The following PLCE1 variants were observed in gnomAD, a reference collection of about 807,000 sequenced individuals.
PLCE1 encodes the protein 1-phosphatidylinositol 4,5-bisphosphate phosphodiesterase epsilon-1.
PLCE1 carries 119 observed loss-of-function variants against 242.8 expected under a neutral mutation model. That is an observed-to-expected ratio of 0.49 (90% confidence interval 0.42 to 0.57). The LOEUF (loss-of-function observed/expected upper bound fraction) is 0.57. Among genes scored for constraint, PLCE1 ranks in the 20% least tolerant of loss-of-function variants. PLCE1 has a pLI of 0.00. For synonymous variants in PLCE1, 945 were observed against 1,017.4 expected (o/e 0.93, Z 1.35); for missense variants, 2,441 against 2,788.8 (o/e 0.88, Z 2.81).
intron 2 of PLCE1, among the ~76,000 whole-genome samples, chr10:94,045,610 C>A (rs1407267709): frequency 1.3e-5 from 2 of 152,362 alleles, no homozygotes; most frequent in South Asian, 4.1e-4. Flanking sequence ...ATAAAAAATA[C>A]ATTTCTGATA....
intron 5 of PLCE1, among the ~76,000 whole-genome samples, chr10:94,228,768 C>T (rs1299525418): frequency 2.6e-5 from 4 of 151,170 alleles, no homozygotes; most frequent in Non-Finnish European, 5.9e-5. Flanking sequence ...AATAGTCATA[C>T]AAATGCATCA....
Position 94,132,453 on chromosome 10 carries a change from C to T in PLCE1, c.1486C>T (p.Leu496=), listed in dbSNP as rs752066522. Residue 496 remains leucine (L), a synonymous_variant, in exon 3 of 33, where the codon CTG becomes TTG. Coordinates refer to ENST00000371380, the MANE Select transcript of PLCE1 (RefSeq NM_016341.4). ...TFGGSTGRMM[L]KERQPGPSVA... ...TGGAGGATCCACTGGACGAATGATG[C>T]TGAAAGGTAATGCCTGAAATTTCAC... The T allele has an allele frequency of 6.2e-7, 1 of 1,613,782 alleles. No homozygotes were observed. The highest frequency in any genetic ancestry group is 1.7e-5 in the Admixed American group (1 of 60,018).
intron 3 of PLCE1, among the ~76,000 whole-genome samples, chr10:94,166,530 T>G (rs2047807996): frequency 6.6e-6 from 1 of 151,856 alleles, no homozygotes. Flanking sequence ...TCCTGTAAGG[T>G]ATTCCTGCCT....
intron 22 of PLCE1, among the ~76,000 whole-genome samples, chr10:94,288,271 C>T (rs1302917764): frequency 6.6e-6 from 1 of 152,160 alleles, no homozygotes; most frequent in African/African-American, 2.4e-5. Flanking sequence ...TTACGCTGCT[C>T]TGTATGCCTT....
chr10:94,141,220 G>A (rs1292322634), intron 3 of PLCE1, among the ~76,000 whole-genome samples: 1 of 152,176 alleles, frequency 6.6e-6, no homozygotes, highest in African/African-American at 2.4e-5. Context: ...ACTACACCTG[G>A]GTGTAACCTA....
rs1194626059 is a variant in PLCE1 at position 94,031,711 on chromosome 10, G to T, written c.665G>T (p.Gly222Val). 1 of 1,613,840 alleles carries T rather than the reference G, an allele frequency of 6.2e-7. No individual in the cohort carries two copies. Among genetic ancestry groups the T allele is most frequent in the Admixed American group, 1.7e-5 (1 of 59,944 alleles). Residue 222 changes from glycine to valine, a missense_variant, in exon 2 of 33, where the codon GGT (glycine) becomes GTT (valine). Gly to Val is a moderately radical substitution (Grantham distance 109). Coordinates refer to ENST00000371380, the MANE Select transcript of PLCE1 (RefSeq NM_016341.4). The stretch of plus-strand genomic sequence containing the variant: ...GGAAATTGTGTACCACTACCTGGGG[G>T]TGAGGAGAAGCAAAAGAAAAACTAT... Reference protein sequence around the residue: ...DCGNCVPLPGGEEKQKKNYVA... With the variant: ...DCGNCVPLPGVEEKQKKNYVA...
At chr10:94,239,576 AG>A (rs1315671233) in intron 7 of PLCE1, among the ~76,000 whole-genome samples, 3 of 152,204 alleles carry the variant, frequency 2.0e-5, no homozygotes, top group African/African-American at 7.2e-5. Flanking sequence ...GGACTAATAC[AG>A]GAGGTTCCAG....
chr10:94,038,164 T>C (rs2061700627), intron 2 of PLCE1, among the ~76,000 whole-genome samples: 1 of 152,122 alleles, frequency 6.6e-6, no homozygotes, highest in Non-Finnish European at 1.5e-5. Context: ...AAGTGGCCCC[T>C]TCTGAGCTTA....
chr10:94,085,950 C>T (rs937135139), intron 2 of PLCE1, among the ~76,000 whole-genome samples: 2 of 152,162 alleles, frequency 1.3e-5, no homozygotes, highest in Admixed American at 1.3e-4. Context: ...AACAAATAAT[C>T]GAGAATTTGC....
intron 4 of PLCE1, among the ~76,000 whole-genome samples, chr10:94,184,965 T>A (rs145026542): frequency 6.6e-6 from 1 of 152,372 alleles, no homozygotes; most frequent in East Asian, 1.9e-4. Context: ...TTATGAATAA[T>A]GCTAATTAGT....
chr10:94,263,508 C>T (rs1293757524), intron 14 of PLCE1, among the ~76,000 whole-genome samples: 2 of 137,256 alleles, frequency 1.5e-5, no homozygotes, highest in Non-Finnish European at 3.1e-5. Flanking sequence ...AGCAAGACCC[C>T]ATCTCAAAAA....
chr10:94,283,899 C>G lies in PLCE1; in HGVS notation c.4905C>G (p.Cys1635Trp). ...KRIKKADNSA[C>W]NKGKVYDMEL... Reference sequence around the variant, plus strand: ...TAAAGAAAGCAGATAACTCTGCTTGCAACAAAGGAAAGGTGGGTGAACGGT... The same window carrying G: ...TAAAGAAAGCAGATAACTCTGCTTGGAACAAAGGAAAGGTGGGTGAACGGT... Residue 1635 changes from cysteine (C) to tryptophan (W), a missense_variant, in exon 21 of 33, where the codon TGC becomes TGG. Coordinates refer to ENST00000371380, the MANE Select transcript of PLCE1 (RefSeq NM_016341.4). The G allele has an allele frequency of 6.2e-7, 1 of 1,611,440 alleles. No individual in the cohort carries two copies. Among genetic ancestry groups the G allele is most frequent in the Non-Finnish European group, 8.5e-7 (1 of 1,178,218 alleles).
intron 4 of PLCE1, among the ~76,000 whole-genome samples, chr10:94,179,442 C>T (rs1376471860): frequency 1.3e-5 from 2 of 151,930 alleles, no homozygotes; most frequent in African/African-American, 4.8e-5. Context: ...TCTGATCCAC[C>T]ATTCCCAGCT....
intron 4 of PLCE1, among the ~76,000 whole-genome samples, chr10:94,189,005 A>T (rs1018349615): frequency 1.3e-5 from 2 of 150,814 alleles, no homozygotes; most frequent in Admixed American, 6.6e-5. Context: ...AAGTAAAAAA[A>T]AAAAAAAAAA....
intron 3 of PLCE1, chr10:94,137,834 C>G (rs2046833456): frequency 8.5e-6 from 2 of 235,524 alleles, no homozygotes; most frequent in South Asian, 1.3e-4. Flanking sequence ...GAAGCTTTAC[C>G]AATTCTGCAT....
intron 2 of PLCE1, among the ~76,000 whole-genome samples, chr10:94,041,831 A>C (rs960533310): frequency 6.6e-6 from 1 of 152,086 alleles, no homozygotes; most frequent in African/African-American, 2.4e-5. Context: ...CCTTCAAACC[A>C]TTTGACACCA....
chr10:94,054,967 G>A (rs1264112840), intron 2 of PLCE1, among the ~76,000 whole-genome samples: 3 of 150,580 alleles, frequency 2.0e-5, no homozygotes, highest in South Asian at 4.2e-4. Context: ...AGCCGAGATC[G>A]GGCCACTGCA....
intron 7 of PLCE1, among the ~76,000 whole-genome samples, chr10:94,244,543 C>G (rs574455725): frequency 6.6e-6 from 1 of 152,132 alleles, no homozygotes; most frequent in Non-Finnish European, 1.5e-5. Flanking sequence ...CCTGACTCAG[C>G]GGAGGGAACG....
At position 93,995,059 on chromosome 10, in the gene PLCE1, G is replaced by T. The variant is rs529383259; in HGVS notation, c.-365+801G>T. On this transcript the variant is annotated intron_variant, in intron 1 of 32. Coordinates refer to ENST00000371380, the MANE Select transcript of PLCE1 (RefSeq NM_016341.4). ...TGTTTTCATGTTTCTTATACCCCCCGTAGAGGTAGGGCAGGGCCGCTGCCA... is the reference window on the plus strand; with the variant it reads ...TGTTTTCATGTTTCTTATACCCCCCTTAGAGGTAGGGCAGGGCCGCTGCCA... Among the ~76,000 whole-genome samples the T allele has an allele frequency of 2.6e-5, 4 of 152,244 alleles. No homozygotes were observed. The East Asian group carries it at 5.8e-4, about 22-fold the overall frequency.
Sources: gnomAD v4.1 joint callset for allele counts (sites outside exome capture counted in the v4.1 genomes callset) on GRCh38, gnomAD v4.1.1 for gene constraint, MANE v1.5 for transcripts, NCBI Gene and HGNC (gene_info 2026-07-23, HGNC 2026-07-21) for gene names.